Variants in TRAPPC13 observed in about 807,000 individuals in gnomAD.
The protein encoded by TRAPPC13 is REV7-interacting novel NHEJ regulator 1.
Under a neutral mutation model 54.0 loss-of-function variants are expected in TRAPPC13, and 39 were observed. The observed-to-expected ratio is 0.72, with a 90% CI of 0.56 to 0.94. TRAPPC13 has a LOEUF of 0.94. TRAPPC13 is among the 40% of genes least tolerant of loss of function. TRAPPC13 has a pLI of 0.00. For synonymous variants in TRAPPC13, 148 were observed against 167.7 expected, an observed-to-expected ratio of 0.88 and a Z score of 0.91; for missense variants, 386 against 488.1, an observed-to-expected ratio of 0.79 and a Z score of 1.97.
intron 5 of TRAPPC13, 64 bp from the exon 6 acceptor site, chr5:65,650,746 T>C (rs1193844412): frequency 2.3e-6 from 3 of 1,280,502 alleles, no homozygotes; most frequent in African/African-American, 1.5e-5. Context: ...AGAATTGAGG[T>C]GTGTTTGATT....
chr5:65,634,016 T>C lies in TRAPPC13; in HGVS notation c.47-1285T>C, dbSNP rs1449725778. On this transcript the variant is annotated intron_variant, in intron 1 of 12. Transcript: ENST00000399438. ...TTTTTTTTTTTTTGAGACGGAGTCT[T>C]GCTCTGTCGCCCAGGCTGGAGTACA... Among the ~76,000 whole-genome samples the C allele has an allele frequency of 2.1e-5, 3 of 141,686 alleles. No individual in the cohort carries two copies. In the South Asian group the frequency reaches 7.1e-4, roughly 33 times the overall value. 93.0% of individuals were successfully genotyped at this position (141,686 alleles called of 152,430 possible).
intron 4 of TRAPPC13, among the ~76,000 whole-genome samples, chr5:65,638,296 G>A (rs182541496): frequency 1.5e-3 from 229 of 152,250 alleles, no homozygotes; most frequent in African/African-American, 5.2e-3. Flanking sequence ...CACAAGATTT[G>A]TGATTGCTTG....
At chr5:65,627,551 C>T (rs1392408526) in intron 1 of TRAPPC13, among the ~76,000 whole-genome samples, 1 of 151,704 alleles carries the variant, frequency 6.6e-6, no homozygotes, top group Non-Finnish European at 1.5e-5. Flanking sequence ...AATCACTTGA[C>T]CCTGGGAGGC....
rs1013732735 is a variant in TRAPPC13 at position 65,665,960 on chromosome 5, T to C, written c.*1349T>C. The C allele has an allele frequency of 6.6e-6, 1 of 152,616 alleles. No homozygotes were observed. Among genetic ancestry groups the C allele is most frequent in the Non-Finnish European group, 1.5e-5 (1 of 67,994 alleles). The allele number at this position is 152,616 out of a possible 1,614,324, so 9.5% of individuals were successfully genotyped here. A position where few individuals can be genotyped will look rare whatever the true frequency, so the allele number is the denominator to read the frequency against. ...TTCAATGCATCATTATTTATTGCCA[T>C]AACAAATTGTTTGGTCCAAAATGAA... On this transcript the variant is annotated 3_prime_UTR_variant, in exon 13 of 13. Transcript: ENST00000399438.
intron 6 of TRAPPC13, among the ~76,000 whole-genome samples, chr5:65,651,722 G>T (rs891373766): frequency 4.0e-5 from 6 of 150,130 alleles, no homozygotes; most frequent in African/African-American, 9.8e-5. Context: ...ACTGTATATG[G>T]TTTTTTTCAT....
intron 1 of TRAPPC13, chr5:65,629,747 A>G (rs1755446970): frequency 1.3e-6 from 2 of 1,536,084 alleles, no homozygotes; most frequent in Non-Finnish European, 1.7e-6. Flanking sequence ...ACTCAGACCT[A>G]AAAGATCACC....
At chr5:65,641,496 GAGGAT>G (rs2150673468) in intron 4 of TRAPPC13, among the ~76,000 whole-genome samples, 2 of 152,168 alleles carry the variant, frequency 1.3e-5, no homozygotes, top group South Asian at 4.1e-4. Context: ...TTGAATCCAG[GAGGAT>G]CCCCAGGACT....
At chr5:65,650,926 C>A (rs1756407255) in intron 6 of TRAPPC13, 44 bp downstream of exon 6, 2 of 1,381,838 alleles carry the variant, frequency 1.4e-6, no homozygotes, top group South Asian at 2.4e-5. Flanking sequence ...ATGCCTTTTT[C>A]TTCCTGGTAG....
chr5:65,644,881 CAAAAAAAA>C lies in TRAPPC13; in HGVS notation c.301-2165_301-2158del, dbSNP rs34137576. ...GGGTGACAGAGCGAGACTCCGTCTC[CAAAAAAAA>C]AAAAAAAATGTTTAAAAACTTTTAG... is the stretch of plus-strand genomic sequence containing the variant. On this transcript the variant is annotated intron_variant, in intron 4 of 12. Transcript: ENST00000399438. Among the ~76,000 whole-genome samples the C allele has an allele frequency of 4.0e-4, 50 of 124,984 alleles. 1 individual carries two copies. The South Asian group carries it at 0.01, about 26-fold the overall frequency. The allele number at this position is 124,984 out of a possible 152,430, so 82.0% of individuals were successfully genotyped here.
chr5:65,646,043 G>T (rs1310353217), intron 4 of TRAPPC13, among the ~76,000 whole-genome samples: 1 of 152,036 alleles, frequency 6.6e-6, no homozygotes, highest in African/African-American at 2.4e-5. Flanking sequence ...GAGAAGACGA[G>T]GTTCCTGCCT....
chr5:65,638,344 T>C (rs1466291441), intron 4 of TRAPPC13, among the ~76,000 whole-genome samples: 1 of 152,154 alleles, frequency 6.6e-6, no homozygotes, highest in Non-Finnish European at 1.5e-5. Context: ...AATAGCAGTT[T>C]AGTATTTGTT....
chr5:65,634,845 G>A (rs1755688524), intron 1 of TRAPPC13: 3 of 338,464 alleles, frequency 8.9e-6, no homozygotes, highest in Non-Finnish European at 1.3e-5. Context: ...GTTGCAGTGA[G>A]CCGAGATCGC....
chr5:65,662,480 T>C (rs538461684), intron 11 of TRAPPC13: 1 of 163,376 alleles, frequency 6.1e-6, no homozygotes, highest in East Asian at 1.7e-4. Flanking sequence ...TAGCAAGATT[T>C]TTTGAGGCAT....
intron 3 of TRAPPC13, among the ~76,000 whole-genome samples, chr5:65,636,434 G>A (rs927910460): frequency 1.3e-5 from 2 of 151,830 alleles, no homozygotes; most frequent in Middle Eastern, 3.4e-3. Context: ...GAGCCACCAC[G>A]CCTAGGACAT....
Position 65,664,536 on chromosome 5 carries a change from C to G in TRAPPC13, c.1179C>G (p.Phe393Leu). ...CTGGCTTAAGACTAACAGACACATTCTTAAAGAGAACATATGAATATGATG... is the reference window on the plus strand; with the variant it reads ...CTGGCTTAAGACTAACAGACACATTGTTAAAGAGAACATATGAATATGATG... ...SISGLRLTDT[F>L]LKRTYEYDDI... The change falls in exon 13 of 13, where the codon TTC becomes TTG. Residue 393 changes from phenylalanine (F) to leucine (L), a missense_variant. Phe to Leu is a conservative substitution (Grantham distance 22, BLOSUM62 0). Transcript: ENST00000399438. The G allele has an allele frequency of 1.2e-6, 2 of 1,611,906 alleles. No individual in the cohort carries two copies. The highest frequency in any genetic ancestry group is 1.7e-6 in the Non-Finnish European group (2 of 1,179,456).
chr5:65,656,111 A>G (rs1342056151), intron 8 of TRAPPC13, among the ~76,000 whole-genome samples: 3 of 152,240 alleles, frequency 2.0e-5, no homozygotes, highest in African/African-American at 7.2e-5. Flanking sequence ...ACAGAAGAAA[A>G]GCAAATTTTC....
chr5:65,651,913 G>T (rs1051263390), intron 6 of TRAPPC13, among the ~76,000 whole-genome samples: 41 of 121,002 alleles, frequency 3.4e-4, no homozygotes, highest in African/African-American at 1.3e-3. Flanking sequence ...GCCTAGGCTG[G>T]AGTGCAATGA....
chr5:65,636,944 C>T (rs1755770524), intron 3 of TRAPPC13, among the ~76,000 whole-genome samples: 1 of 152,188 alleles, frequency 6.6e-6, no homozygotes, highest in African/African-American at 2.4e-5. Flanking sequence ...AATAAAACCA[C>T]TGGTGATTTT....
chr5:65,626,596 CGTG>C (rs1365780838), intron 1 of TRAPPC13, among the ~76,000 whole-genome samples: 1 of 152,060 alleles, frequency 6.6e-6, no homozygotes, highest in African/African-American at 2.4e-5. Flanking sequence ...GTTAGCCAGG[CGTG>C]GTGGCGGGCG....
Sources: allele counts gnomAD v4.1 joint callset (sites outside exome capture counted in the v4.1 genomes callset), GRCh38; gene constraint gnomAD v4.1.1; transcripts MANE v1.5; gene names NCBI Gene and HGNC (gene_info 2026-07-23, HGNC 2026-07-21).